Variants in NEGR1 observed in about 807,000 individuals in gnomAD.
The protein encoded by NEGR1 is IgLON family member 4.
A neutral mutation model predicts 40.9 loss-of-function variants in NEGR1; 10 were observed. The observed-to-expected ratio is 0.24, with a 90% confidence interval of 0.15 to 0.42. The LOEUF (loss-of-function observed/expected upper bound fraction) is 0.42, where lower values mean the gene tolerates loss of function less well. Ranked by LOEUF, NEGR1 falls within the 10% of genes least tolerant of loss-of-function variation. NEGR1 has a pLI of 1.00. For missense variants in NEGR1, 352 were observed against 438.9 expected (o/e 0.80, Z 1.77); for synonymous variants, 185 against 166.8 (o/e 1.11, Z -0.84).
At chr1:71,742,832 G>A (rs1028487098) in intron 3 of NEGR1, among the ~76,000 whole-genome samples, 28 of 152,248 alleles carry the variant, frequency 1.8e-4, no homozygotes, top group Middle Eastern at 3.4e-3. Flanking sequence ...AAGTGAAAAG[G>A]ACATGAATTG....
chr1:71,582,519 C>T (rs1013961078), intron 6 of NEGR1, among the ~76,000 whole-genome samples: 2 of 151,898 alleles, frequency 1.3e-5, no homozygotes, highest in Non-Finnish European at 2.9e-5. Flanking sequence ...CTTATTTTTT[C>T]TCATTAATTT....
At chr1:71,569,400 G>T (rs951851624) in intron 6 of NEGR1, among the ~76,000 whole-genome samples, 1 of 152,130 alleles carries the variant, frequency 6.6e-6, no homozygotes, top group Non-Finnish European at 1.5e-5. Context: ...GTAGGAAATA[G>T]AGCCAGCACA....
At position 71,592,798 on chromosome 1, in the gene NEGR1, G is replaced by C. The variant is rs369746091; in HGVS notation, c.940+19C>G. On this transcript the variant is annotated intron_variant, in intron 6 of 6. Transcript: ENST00000357731. The stretch of plus-strand genomic sequence containing the variant: ...CCCAGAGGCCCCTGGAAGCATTTTG[G>C]TACCATTGCATTACTTACGGTTAAG... 1.3e-6 allele frequency: 2 copies of C among 1,597,576 alleles called. No individual in the cohort carries two copies. The highest frequency in any genetic ancestry group is 4.5e-5 in the East Asian group (2 of 44,600).
chr1:72,118,861 C>A (rs957504709), intron 1 of NEGR1, among the ~76,000 whole-genome samples: 1 of 151,106 alleles, frequency 6.6e-6, no homozygotes, highest in South Asian at 2.1e-4. Context: ...TATTTTCAAC[C>A]AAATTTTAAA....
chr1:71,515,607 C>T (rs1647115605), intron 6 of NEGR1, among the ~76,000 whole-genome samples: 1 of 74,924 alleles, frequency 1.3e-5, no homozygotes, highest in Non-Finnish European at 2.4e-5. Flanking sequence ...CCGGTACCAG[C>T]CACTGCAAAA....
chr1:71,789,850 G>T (rs1657046394), intron 2 of NEGR1, among the ~76,000 whole-genome samples: 1 of 152,028 alleles, frequency 6.6e-6, no homozygotes, highest in South Asian at 2.1e-4. Context: ...TTTCTGAAAG[G>T]TGGAAAATCC....
At chr1:71,959,053 T>G (rs192511046) in intron 1 of NEGR1, among the ~76,000 whole-genome samples, 1 of 152,284 alleles carries the variant, frequency 6.6e-6, no homozygotes, top group African/African-American at 2.4e-5. Context: ...TTTGCTGATA[T>G]GATCTCACAG....
intron 1 of NEGR1, among the ~76,000 whole-genome samples, chr1:72,161,683 T>TC (rs1178916389): frequency 1.5e-5 from 2 of 134,828 alleles, no homozygotes; most frequent in African/African-American, 5.8e-5. Flanking sequence ...TTTCTTTTTT[T>TC]TTTTTTTTTT....
intron 1 of NEGR1, among the ~76,000 whole-genome samples, chr1:72,001,865 G>A (rs1184616390): frequency 6.6e-6 from 1 of 151,930 alleles, no homozygotes; most frequent in East Asian, 1.9e-4. Flanking sequence ...ACTTAAGAGT[G>A]TCATATCAAG....
chr1:71,774,895 C>T (rs953995521), intron 3 of NEGR1, among the ~76,000 whole-genome samples: 1 of 152,150 alleles, frequency 6.6e-6, no homozygotes, highest in Admixed American at 6.5e-5. Context: ...CTGAAATTGA[C>T]TTATAATCTC....
chr1:71,488,839 A>G (rs1472723435), intron 6 of NEGR1, among the ~76,000 whole-genome samples: 2 of 151,754 alleles, frequency 1.3e-5, no homozygotes, highest in East Asian at 1.9e-4. Context: ...TAATAAAACT[A>G]GAGGTTTTTC....
At position 71,797,147 on chromosome 1, in the gene NEGR1, G is replaced by A. The variant is rs139231249; in HGVS notation, c.410-20850C>T. ...GAATACTTAATATGTGTGAAACACT[G>A]TGCTACATACTTTATATCCATTACC... is the stretch of plus-strand genomic sequence containing the variant. On this transcript the variant is annotated intron_variant, in intron 2 of 6. Transcript: ENST00000357731. 2.8e-3 allele frequency among the ~76,000 whole-genome samples: 425 copies of A among 152,256 alleles called. 2 individuals carry two copies. The highest frequency in any genetic ancestry group is 9.9e-3 in the African/African-American group (412 of 41,570).
chr1:71,602,472 C>T (rs893036770), intron 5 of NEGR1, among the ~76,000 whole-genome samples: 2 of 150,706 alleles, frequency 1.3e-5, no homozygotes, highest in Admixed American at 6.6e-5. Context: ...GGGATGGTCT[C>T]GATCTCCTGA....
At chr1:71,914,110 T>G (rs1003764288) in intron 2 of NEGR1, among the ~76,000 whole-genome samples, 1 of 152,208 alleles carries the variant, frequency 6.6e-6, no homozygotes, top group Non-Finnish European at 1.5e-5. Context: ...TAGGATATGA[T>G]TCTGAGACGC....
chr1:71,761,942 T>G (rs538351102), intron 3 of NEGR1, among the ~76,000 whole-genome samples: 1 of 152,228 alleles, frequency 6.6e-6, no homozygotes, highest in African/African-American at 2.4e-5. Context: ...TTTCCAAGTT[T>G]GCTTGACAGT....
intron 6 of NEGR1, among the ~76,000 whole-genome samples, chr1:71,508,072 A>G (rs889217604): frequency 6.6e-6 from 1 of 152,192 alleles, no homozygotes; most frequent in Admixed American, 6.5e-5. Flanking sequence ...AAGAAATTAT[A>G]TACTGGCCCA....
chr1:71,642,158 G>A (rs1401774362), intron 4 of NEGR1, among the ~76,000 whole-genome samples: 6 of 151,954 alleles, frequency 3.9e-5, no homozygotes, highest in Non-Finnish European at 1.5e-5. Flanking sequence ...CGTTCATTGG[G>A]ATAGGTTGGC....
At chr1:72,004,192 A>G (rs1646582150) in intron 1 of NEGR1, among the ~76,000 whole-genome samples, 2 of 152,132 alleles carry the variant, frequency 1.3e-5, no homozygotes, top group South Asian at 4.1e-4. Context: ...TGATATATAT[A>G]TATACACACA....
chr1:71,775,019 G>C (rs1383672917), intron 3 of NEGR1, among the ~76,000 whole-genome samples: 1 of 152,074 alleles, frequency 6.6e-6, no homozygotes, highest in Non-Finnish European at 1.5e-5. Flanking sequence ...TGGATTTTTA[G>C]ATCCCTCATC....
Sources: allele counts gnomAD v4.1 joint callset (sites outside exome capture counted in the v4.1 genomes callset), GRCh38; gene constraint gnomAD v4.1.1; transcripts MANE v1.5; gene names NCBI Gene and HGNC (gene_info 2026-07-23, HGNC 2026-07-21).